Variants in LRRC4C observed in about 807,000 individuals in gnomAD.
The protein encoded by LRRC4C is leucine rich repeat containing 4C.
Under a neutral mutation model 33.6 loss-of-function variants are expected in LRRC4C, and 5 were observed. The observed-to-expected ratio is 0.15, with a 90% CI of 0.08 to 0.31. The LOEUF is 0.31. Among genes scored for constraint, LRRC4C ranks in the 10% least tolerant of loss-of-function variants. LRRC4C has a pLI of 1.00. For synonymous variants in LRRC4C, 329 were observed against 302.0 expected, an observed-to-expected ratio of 1.09 and a Z score of -0.93; for missense variants, 560 against 796.7, an observed-to-expected ratio of 0.70 and a Z score of 3.58.
intron 4 of LRRC4C, among the ~76,000 whole-genome samples, chr11:40,307,921 TTC>T (rs1410141502): frequency 1.3e-5 from 2 of 152,244 alleles, no homozygotes; most frequent in Non-Finnish European, 2.9e-5. Flanking sequence ...ACTGCCTTAA[TTC>T]TCTGTTTCTC....
intron 1 of LRRC4C, among the ~76,000 whole-genome samples, chr11:41,231,420 G>A (rs1454907783): frequency 6.6e-6 from 1 of 151,682 alleles, no homozygotes; most frequent in African/African-American, 2.4e-5. Flanking sequence ...TATACACCAT[G>A]GAATACTATG....
intron 1 of LRRC4C, among the ~76,000 whole-genome samples, chr11:40,977,244 TC>T (rs1249388795): frequency 6.6e-6 from 1 of 152,122 alleles, no homozygotes; most frequent in South Asian, 2.1e-4. Flanking sequence ...ACTCATCTCC[TC>T]CTATGCGGCC....
At chr11:41,128,881 T>G (rs1340324583) in intron 1 of LRRC4C, among the ~76,000 whole-genome samples, 1 of 152,036 alleles carries the variant, frequency 6.6e-6, no homozygotes, top group Non-Finnish European at 1.5e-5. Context: ...TGTACTATTA[T>G]TTAGTGAGTA....
chr11:41,416,501 T>G (rs1395880673), intron 1 of LRRC4C, among the ~76,000 whole-genome samples: 1 of 152,064 alleles, frequency 6.6e-6, no homozygotes, highest in Non-Finnish European at 1.5e-5. Context: ...TCTGTATTGA[T>G]GTAGCATTAA....
At chr11:40,333,642 G>A (rs952427936) in intron 3 of LRRC4C, among the ~76,000 whole-genome samples, 3 of 149,008 alleles carry the variant, frequency 2.0e-5, no homozygotes, top group South Asian at 2.1e-4. Flanking sequence ...GCTTGAACCC[G>A]GGAGGCGGAG....
intron 1 of LRRC4C, among the ~76,000 whole-genome samples, chr11:41,409,556 C>T (rs1036344138): frequency 3.3e-5 from 5 of 152,102 alleles, no homozygotes; most frequent in African/African-American, 1.2e-4. Context: ...GAAACAGAGA[C>T]ATAGACATGT....
chr11:41,209,644 CAA>C (rs34559903), intron 1 of LRRC4C, among the ~76,000 whole-genome samples: 2 of 115,622 alleles, frequency 1.7e-5, no homozygotes, highest in Non-Finnish European at 1.9e-5. Flanking sequence ...GACTCTGTCT[CAA>C]AAAAAAAAAA....
chr11:41,076,851 C>T (rs993795018), intron 1 of LRRC4C, among the ~76,000 whole-genome samples: 1 of 152,142 alleles, frequency 6.6e-6, no homozygotes, highest in Non-Finnish European at 1.5e-5. Flanking sequence ...GCCTAGAAGC[C>T]TGTAAAATCA....
intron 2 of LRRC4C, among the ~76,000 whole-genome samples, chr11:40,878,083 G>A (rs1954995792): frequency 1.3e-5 from 2 of 152,138 alleles, no homozygotes; most frequent in African/African-American, 4.8e-5. Flanking sequence ...GCTAGGGCTT[G>A]TGAGCTTACC....
rs556782975 is a variant in LRRC4C at position 41,375,413 on chromosome 11, A to C, written c.-496+84018T>G. Among the ~76,000 whole-genome samples, 25 of 152,266 alleles carry C rather than the reference A, an allele frequency of 1.6e-4. 1 individual carries two copies. In the South Asian group the frequency reaches 4.8e-3, roughly 29 times the overall value. ...ATCACCTCTAGACTGAACCGCTGTT[A>C]GTAGGTATGAAATAGGATACTTAGA... On this transcript the variant is annotated intron_variant, in intron 1 of 6. Coordinates refer to ENST00000528697, the MANE Select transcript of LRRC4C (RefSeq NM_001258419.2).
At chr11:40,958,530 G>T (rs1204614574) in intron 1 of LRRC4C, among the ~76,000 whole-genome samples, 1 of 151,620 alleles carries the variant, frequency 6.6e-6, no homozygotes, top group Non-Finnish European at 1.5e-5. Flanking sequence ...GGACTAAATA[G>T]AACATGATAA....
At chr11:41,068,800 C>A (rs1590418504) in intron 1 of LRRC4C, among the ~76,000 whole-genome samples, 4 of 151,752 alleles carry the variant, frequency 2.6e-5, no homozygotes, top group Admixed American at 1.3e-4. Flanking sequence ...AAAAAAAATG[C>A]CCAGAACCAG....
At chr11:40,530,294 T>C (rs913959732) in intron 3 of LRRC4C, among the ~76,000 whole-genome samples, 2 of 152,120 alleles carry the variant, frequency 1.3e-5, no homozygotes, top group African/African-American at 4.8e-5. Flanking sequence ...CCCAAATTTT[T>C]ACCTCTGATA....
At chr11:40,402,342 T>C (rs1484531790) in intron 3 of LRRC4C, among the ~76,000 whole-genome samples, 5 of 152,144 alleles carry the variant, frequency 3.3e-5, no homozygotes. Flanking sequence ...TGGTATTTGT[T>C]GTTTTCAAAA....
intron 1 of LRRC4C, among the ~76,000 whole-genome samples, chr11:41,350,214 T>C (rs1344917004): frequency 1.3e-5 from 2 of 152,156 alleles, no homozygotes; most frequent in African/African-American, 4.8e-5. Flanking sequence ...TAAGATCTTT[T>C]TGAAAAAATG....
intron 1 of LRRC4C, among the ~76,000 whole-genome samples, chr11:41,148,867 A>G (rs1943851903): frequency 1.3e-5 from 2 of 152,184 alleles, no homozygotes; most frequent in African/African-American, 4.8e-5. Context: ...TATCTGGCAT[A>G]CAATGATAAT....
At chr11:40,205,258 G>A (rs1863060656) in intron 5 of LRRC4C, among the ~76,000 whole-genome samples, 1 of 152,138 alleles carries the variant, frequency 6.6e-6, no homozygotes, top group African/African-American at 2.4e-5. Flanking sequence ...AATTTACGGT[G>A]TGATAATTCA....
intron 2 of LRRC4C, among the ~76,000 whole-genome samples, chr11:40,712,197 G>T (rs998936448): frequency 1.3e-5 from 2 of 152,030 alleles, no homozygotes; most frequent in Non-Finnish European, 2.9e-5. Context: ...TAAGTAATAG[G>T]TATCTTTTGA....
At position 40,208,372 on chromosome 11, in the gene LRRC4C, C is replaced by T. The variant is rs118030741; in HGVS notation, c.-96+33147G>A. On this transcript the variant is annotated intron_variant, in intron 5 of 6. Coordinates refer to ENST00000528697, the MANE Select transcript of LRRC4C (RefSeq NM_001258419.2). Reference sequence around the variant, plus strand: ...ACAGAATTTGCATACCAGTCAGATACCTACAATTTACAGATGTGCAAAACA... The same window carrying T: ...ACAGAATTTGCATACCAGTCAGATATCTACAATTTACAGATGTGCAAAACA... 1.0e-2 allele frequency among the ~76,000 whole-genome samples: 1,515 copies of T among 152,218 alleles called. 12 individuals carry two copies. The highest frequency in any genetic ancestry group is 0.015 in the Non-Finnish European group (1,040 of 68,012).
Sources: gnomAD v4.1 joint callset for allele counts (sites outside exome capture counted in the v4.1 genomes callset) on GRCh38, gnomAD v4.1.1 for gene constraint, MANE v1.5 for transcripts, NCBI Gene and HGNC (gene_info 2026-07-23, HGNC 2026-07-21) for gene names.